The following PTH2R variants were observed in gnomAD, a reference collection of about 807,000 sequenced individuals.
The protein encoded by PTH2R is parathyroid hormone 2 receptor.
A neutral mutation model predicts 60.3 loss-of-function variants in PTH2R; 59 were observed. That is an observed-to-expected ratio of 0.98 (90% CI 0.79 to 1.22). The LOEUF is 1.22. PTH2R is among the 50% of genes most tolerant of loss of function. The pLI, the probability that PTH2R is intolerant of heterozygous loss-of-function variation, is 0.00. For synonymous variants in PTH2R, 256 were observed against 243.8 expected, an observed-to-expected ratio of 1.05 and a Z score of -0.47; for missense variants, 749 against 682.6, an observed-to-expected ratio of 1.10 and a Z score of -1.08.
Position 208,366,601 on chromosome 2 carries a change from C to T in PTH2R, c.-259+6364C>T, listed in dbSNP as rs58780608. On this transcript the variant is annotated intron_variant, in intron 1 of 12. Coordinates refer to the PTH2R transcript ENST00000617735. ...CACCATCCCATAATTCTTAGCCCAG[C>T]CATCATCCTTACCTCAATCCCTGCT... 3.4e-3 allele frequency among the ~76,000 whole-genome samples: 516 copies of T among 152,300 alleles called. 3 individuals carry two copies. Among genetic ancestry groups the T allele is most frequent in the African/African-American group, 0.012 (499 of 41,564 alleles).
intron 1 of PTH2R, among the ~76,000 whole-genome samples, chr2:208,418,263 C>T (rs997367008): frequency 1.3e-5 from 2 of 151,806 alleles, no homozygotes; most frequent in African/African-American, 4.8e-5. Flanking sequence ...AAGAAATATA[C>T]CATATACTTA....
chr2:208,414,809 T>G (rs994198397), intron 1 of PTH2R, among the ~76,000 whole-genome samples: 6 of 152,202 alleles, frequency 3.9e-5, no homozygotes, highest in African/African-American at 1.4e-4. Context: ...TGAAGTCATG[T>G]TGATAGCTTG....
Position 208,493,678 on chromosome 2 carries a change from C to CT in PTH2R, c.*22dup. On this transcript the variant is annotated 3_prime_UTR_variant, in exon 13 of 13. Transcript: ENST00000272847. ...TCTCTGAATGGACATTTGTGGCTGA[C>CT]TTTCATGGGCTGGTCCAATGGCTGG... 6.5e-7 allele frequency: 1 copy of CT among 1,527,994 alleles called. No individual in the cohort carries two copies. The highest frequency in any genetic ancestry group is 8.8e-7 in the Non-Finnish European group (1 of 1,133,866). The allele number at this position is 1,527,994 out of a possible 1,614,324, so 94.7% of individuals were successfully genotyped here.
chr2:208,370,328 A>C (rs1456355648), intron 1 of PTH2R, among the ~76,000 whole-genome samples: 1 of 151,262 alleles, frequency 6.6e-6, no homozygotes, highest in Non-Finnish European at 1.5e-5. Context: ...CTGTAGTCCC[A>C]GCTACTTGGG....
At chr2:208,492,015 G>A (rs1473275169) in intron 12 of PTH2R, among the ~76,000 whole-genome samples, 1 of 152,198 alleles carries the variant, frequency 6.6e-6, no homozygotes, top group East Asian at 1.9e-4. Context: ...TGAACAGATA[G>A]AAGTTTGTTG....
chr2:208,380,876 T>C (rs1700901152), intron 1 of PTH2R, among the ~76,000 whole-genome samples: 1 of 152,128 alleles, frequency 6.6e-6, no homozygotes, highest in Non-Finnish European at 1.5e-5. Context: ...CTCCATCTGC[T>C]ACATCATTGT....
chr2:208,478,133 T>C (rs1703060802), intron 9 of PTH2R, among the ~76,000 whole-genome samples: 1 of 152,170 alleles, frequency 6.6e-6, no homozygotes, highest in South Asian at 2.1e-4. Context: ...TCTTCTGTTA[T>C]GTTTTTATTG....
At chr2:208,480,212 A>G (rs557928825) in intron 9 of PTH2R, among the ~76,000 whole-genome samples, 1 of 152,326 alleles carries the variant, frequency 6.6e-6, no homozygotes, top group East Asian at 1.9e-4. Context: ...AGTTATCCCC[A>G]GGACTGCAGG....
At chr2:208,417,933 A>G (rs1004968112) in intron 1 of PTH2R, among the ~76,000 whole-genome samples, 2 of 152,180 alleles carry the variant, frequency 1.3e-5, no homozygotes, top group African/African-American at 4.8e-5. Flanking sequence ...CAAATACCTT[A>G]TGAGCAATTT....
chr2:208,360,261 C>A, intron 1 of PTH2R: 1 of 425,506 alleles, frequency 2.4e-6, no homozygotes, highest in Admixed American at 2.6e-5. Flanking sequence ...CCCACTTGTT[C>A]TCCCGCCTTC....
chr2:208,382,935 G>C lies in PTH2R; in HGVS notation c.-259+22698G>C, dbSNP rs1255738982. Among the ~76,000 whole-genome samples, 19 of 152,232 alleles carry C rather than the reference G, an allele frequency of 1.2e-4. 1 individual carries two copies. The highest frequency in any genetic ancestry group is 7.9e-4 in the Admixed American group (12 of 15,284). On this transcript the variant is annotated intron_variant, in intron 1 of 12. Coordinates refer to the PTH2R transcript ENST00000617735. ...GATCCCACTCCAAGTTCCTTGCTCT[G>C]TCTTCCCACAGCTGTCCCCTTGGGG...
intron 1 of PTH2R, among the ~76,000 whole-genome samples, chr2:208,398,988 A>C (rs1701260288): frequency 6.6e-6 from 1 of 152,232 alleles, no homozygotes; most frequent in Admixed American, 6.5e-5. Context: ...TTTTAGATTT[A>C]ATAGACAAGC....
intron 4 of PTH2R, 142 bp downstream of exon 4, chr2:208,438,023 T>TTGCAA: frequency 1.8e-6 from 2 of 1,112,124 alleles, no homozygotes; most frequent in Non-Finnish European, 2.5e-6. Context: ...AATGTTGCAA[T>TTGCAA]CTTTTCAGAT....
intron 7 of PTH2R, among the ~76,000 whole-genome samples, chr2:208,449,998 A>G (rs1574884141): frequency 1.3e-5 from 2 of 152,286 alleles, no homozygotes; most frequent in East Asian, 1.9e-4. Flanking sequence ...AGTATTCCAT[A>G]TAAGTTATGG....
chr2:208,443,377 A>G lies in PTH2R; in HGVS notation c.539A>G (p.His180Arg). 3 of 1,605,842 alleles carry G rather than the reference A, an allele frequency of 1.9e-6. No homozygotes were observed. The highest frequency in any genetic ancestry group is 2.5e-6 in the Non-Finnish European group (3 of 1,177,196). Residue 180 changes from histidine to arginine, a missense_variant, in exon 6 of 13, where the codon CAC becomes CGC. His to Arg is a conservative substitution (Grantham distance 29, BLOSUM62 0). Transcript: ENST00000272847. Reference protein sequence around the residue: ...RRLHCTRNYIHMHLFVSFMLR... With the variant: ...RRLHCTRNYIRMHLFVSFMLR... ...TTGCATTGCACTAGGAACTATATCC[A>G]CATGCACTTATTTGTGTCTTTCATG...
chr2:208,392,035 C>A (rs1267226489), intron 1 of PTH2R, among the ~76,000 whole-genome samples: 2 of 152,198 alleles, frequency 1.3e-5, no homozygotes. Context: ...GGAAAACCAT[C>A]CATGTTAACT....
chr2:208,481,296 C>CAACCTCT lies in PTH2R; in HGVS notation c.1076+132_1076+133insAACCTCT, dbSNP rs67926143. 33 of 153,378 alleles carry CAACCTCT rather than the reference C, an allele frequency of 2.2e-4. No individual in the cohort carries two copies. In the Admixed American group the frequency reaches 3.5e-3, roughly 16 times the overall value. 9.5% of individuals were successfully genotyped at this position (153,378 alleles called of 1,614,324 possible). A position where few individuals can be genotyped will look rare whatever the true frequency, so the allele number is the denominator to read the frequency against. ...TGCAATGGCACAATCTCGGCTCACT[C>CAACCTCT]GCCTCCCGGGTTCAAGCAATTCTCA... On this transcript the variant is annotated intron_variant, in intron 10 of 12. Transcript: ENST00000272847.
chr2:208,426,323 G>T (rs1701857488), intron 1 of PTH2R, among the ~76,000 whole-genome samples: 1 of 152,154 alleles, frequency 6.6e-6, no homozygotes. Flanking sequence ...GTAACATTTT[G>T]TTTTGGGTGC....
At chr2:208,401,841 T>C (rs766700091), upstream of PTH2R, among the ~76,000 whole-genome samples, 1 of 152,122 alleles carries the variant, frequency 6.6e-6, no homozygotes, top group Non-Finnish European at 1.5e-5. Flanking sequence ...ACAGGATCAT[T>C]ATCCTTGAAG....
Sources: gnomAD v4.1 joint callset for allele counts (sites outside exome capture counted in the v4.1 genomes callset) on GRCh38, gnomAD v4.1.1 for gene constraint, MANE v1.5 for transcripts, NCBI Gene and HGNC (gene_info 2026-07-23, HGNC 2026-07-21) for gene names.